FMNL2: variants seen among roughly 807,000 people sequenced by gnomAD.
FMNL2 encodes formin-like protein 2.
Under a neutral mutation model 130.2 loss-of-function variants are expected in FMNL2, and 51 were observed. The observed-to-expected ratio is 0.39, with a 90% CI of 0.31 to 0.49. The LOEUF (loss-of-function observed/expected upper bound fraction) is 0.49. Among genes scored for constraint, FMNL2 ranks in the 20% least tolerant of loss-of-function variants. The pLI is 0.85. For synonymous variants in FMNL2, 465 were observed against 467.1 expected, an observed-to-expected ratio of 1.00 and a Z score of 0.06; for missense variants, 977 against 1,316.2, an observed-to-expected ratio of 0.74 and a Z score of 3.99.
At chr2:152,554,551 T>A (rs1291027492) in intron 4 of FMNL2, among the ~76,000 whole-genome samples, 1 of 152,200 alleles carries the variant, frequency 6.6e-6, no homozygotes, top group Admixed American at 6.5e-5. Flanking sequence ...TTGAAGCATA[T>A]CCCTTTACAA....
intron 2 of FMNL2, among the ~76,000 whole-genome samples, chr2:152,531,597 T>G (rs1348295689): frequency 6.6e-6 from 1 of 151,844 alleles, no homozygotes; most frequent in Non-Finnish European, 1.5e-5. Flanking sequence ...GCCTCCTGCC[T>G]CCCGAGTAGC....
intron 1 of FMNL2, among the ~76,000 whole-genome samples, chr2:152,358,080 A>G (rs1010394691): frequency 6.6e-6 from 1 of 152,184 alleles, no homozygotes; most frequent in African/African-American, 2.4e-5. Context: ...GAGCTGATTC[A>G]CTGAGTCTGC....
At chr2:152,593,781 C>T (rs542333352) in intron 9 of FMNL2, among the ~76,000 whole-genome samples, 3 of 147,400 alleles carry the variant, frequency 2.0e-5, no homozygotes, top group African/African-American at 7.5e-5. Context: ...AGGTCAGATT[C>T]TTAGCTGTGC....
Position 152,601,671 on chromosome 2 carries a change from C to CTTTCT in FMNL2, c.877-5665_877-5664insCTTTT, listed in dbSNP as rs1698076657. Among the ~76,000 whole-genome samples the CTTTCT allele has an allele frequency of 2.3e-3, 234 of 103,468 alleles. 1 individual carries two copies. The highest frequency in any genetic ancestry group is 7.3e-3 in the African/African-American group (214 of 29,134). The allele number at this position is 103,468 out of a possible 152,430, so 67.9% of individuals were successfully genotyped here. On this transcript the variant is annotated intron_variant, in intron 9 of 25. Coordinates refer to ENST00000288670, the MANE Select transcript of FMNL2 (RefSeq NM_052905.4). ...GGCTCTCTTTTCTTTTCTTTTCTTT[C>CTTTCT]TTTTTTTTTTTTTTTTGAGACAGAG...
intron 7 of FMNL2, among the ~76,000 whole-genome samples, chr2:152,576,421 T>G (rs1377894396): frequency 1.3e-5 from 2 of 152,182 alleles, no homozygotes; most frequent in Non-Finnish European, 2.9e-5. Context: ...TGAAAGCTAA[T>G]GCTTACATGT....
chr2:152,428,436 G>A (rs984044809), intron 1 of FMNL2, among the ~76,000 whole-genome samples: 1 of 152,132 alleles, frequency 6.6e-6, no homozygotes, highest in African/African-American at 2.4e-5. Context: ...AGAAATATGG[G>A]TTATTGCTCT....
At chr2:152,581,477 C>T (rs1260954501) in intron 9 of FMNL2, among the ~76,000 whole-genome samples, 1 of 152,104 alleles carries the variant, frequency 6.6e-6, no homozygotes, top group East Asian at 1.9e-4. Flanking sequence ...ATTCTGGGAG[C>T]GTGTAAGCTT....
chr2:152,547,304 G>A (rs531776571), intron 3 of FMNL2, among the ~76,000 whole-genome samples: 1 of 152,262 alleles, frequency 6.6e-6, no homozygotes, highest in South Asian at 2.1e-4. Context: ...AGTGGTCTAG[G>A]GAGCTCTGGG....
intron 1 of FMNL2, among the ~76,000 whole-genome samples, chr2:152,488,510 T>C (rs1487023788): frequency 6.6e-6 from 1 of 152,202 alleles, no homozygotes; most frequent in Non-Finnish European, 1.5e-5. Context: ...TTCCAAGACA[T>C]GCTGATCACA....
intron 1 of FMNL2, among the ~76,000 whole-genome samples, chr2:152,412,418 T>C (rs368317666): frequency 7.2e-6 from 1 of 139,020 alleles, no homozygotes; most frequent in East Asian, 2.0e-4. Flanking sequence ...TTCAGTCTTA[T>C]ATTTCCTCTT....
rs142897949 is a variant in FMNL2, at chr2:152,427,702, A to G, written c.117+91982A>G. Reference sequence around the variant, plus strand: ...CAAAAGGGTAGAACATGGGAAGACAAGACTTCCTCCTCTTCATGTAAATTC... The same window carrying G: ...CAAAAGGGTAGAACATGGGAAGACAGGACTTCCTCCTCTTCATGTAAATTC... On this transcript the variant is annotated intron_variant, in intron 1 of 25. Coordinates refer to ENST00000288670, the MANE Select transcript of FMNL2 (RefSeq NM_052905.4). 1.2e-3 allele frequency among the ~76,000 whole-genome samples: 182 copies of G among 152,310 alleles called. 1 individual carries two copies. The highest frequency in any genetic ancestry group is 4.2e-3 in the African/African-American group (173 of 41,564).
At chr2:152,607,121 A>C (rs1444379494) in intron 9 of FMNL2, among the ~76,000 whole-genome samples, 3 of 151,820 alleles carry the variant, frequency 2.0e-5, no homozygotes, top group Non-Finnish European at 2.9e-5. Flanking sequence ...TATGGATTTC[A>C]AAATATCAAG....
chr2:152,597,284 A>AT (rs1302119914), intron 9 of FMNL2, among the ~76,000 whole-genome samples: 1 of 152,264 alleles, frequency 6.6e-6, no homozygotes, highest in Non-Finnish European at 1.5e-5. Context: ...TGCCAAGTGC[A>AT]TAAGTCTGAA....
intron 12 of FMNL2, 136 bp from the exon 13 acceptor site, chr2:152,616,955 A>C (rs1698985953): frequency 2.7e-5 from 18 of 666,126 alleles, no homozygotes; most frequent in Non-Finnish European, 4.4e-5. Flanking sequence ...TATAAACATT[A>C]CCATTTCCAG....
intron 1 of FMNL2, among the ~76,000 whole-genome samples, chr2:152,394,346 A>G (rs1261127421): frequency 6.6e-6 from 1 of 152,194 alleles, no homozygotes; most frequent in African/African-American, 2.4e-5. Flanking sequence ...TGCAAGCAGC[A>G]AACCAATTGT....
chr2:152,641,898 A>G lies in FMNL2; in HGVS notation c.3169+984A>G, dbSNP rs76205155. ...CTAGTCATTAGTTCACATTTCCCCA[A>G]CTGTCCTGATTTTTAAAAATAGAAT... On this transcript the variant is annotated intron_variant, in intron 25 of 25. Coordinates refer to ENST00000288670, the MANE Select transcript of FMNL2 (RefSeq NM_052905.4). Among the ~76,000 whole-genome samples the G allele has an allele frequency of 2.6e-3, 391 of 152,012 alleles. 1 individual carries two copies. Among genetic ancestry groups the G allele is most frequent in the African/African-American group, 9.1e-3 (378 of 41,442 alleles).
chr2:152,512,735 G>T (rs980433902), intron 1 of FMNL2, among the ~76,000 whole-genome samples: 4 of 152,134 alleles, frequency 2.6e-5, no homozygotes, highest in Admixed American at 6.5e-5. Context: ...TTAAAAAATG[G>T]ATAATTTTCT....
intron 6 of FMNL2, among the ~76,000 whole-genome samples, chr2:152,566,320 C>G (rs1695835011): frequency 6.6e-6 from 1 of 152,164 alleles, no homozygotes. Context: ...GGTGAGAAAG[C>G]CTTTTCTTAA....
intron 5 of FMNL2, among the ~76,000 whole-genome samples, chr2:152,559,381 C>T (rs7600114): frequency 0.13 from 20,424 of 152,006 alleles, 1,530 homozygotes; most frequent in Middle Eastern, 0.17. Flanking sequence ...GGCATGATCT[C>T]GGCTCACTGC....
Sources: allele counts gnomAD v4.1 joint callset (sites outside exome capture counted in the v4.1 genomes callset), GRCh38; gene constraint gnomAD v4.1.1; transcripts MANE v1.5; gene names NCBI Gene and HGNC (gene_info 2026-07-23, HGNC 2026-07-21).